The following B3GALNT2 variants were observed in gnomAD, a reference collection of about 807,000 sequenced individuals.
B3GALNT2 encodes the protein UDP-GalNAc:beta-1,3-N-acetylgalactosaminyltransferase 2.
In B3GALNT2, 53 loss-of-function variants were observed where a neutral mutation model predicts 61.1. The ratio of observed to expected loss-of-function variants is 0.87; its 90% CI spans 0.70 to 1.09. The LOEUF (loss-of-function observed/expected upper bound fraction) is 1.09. B3GALNT2 is among the 50% of genes least tolerant of loss of function. The pLI is 0.00. For synonymous variants in B3GALNT2, 223 were observed against 237.4 expected (o/e 0.94, Z 0.56); for missense variants, 544 against 623.0 (o/e 0.87, Z 1.35).
chr1:235,440,311 G>A, the B3GALNT2 span, among the ~76,000 whole-genome samples: 45 of 151,894 alleles, frequency 3.0e-4, no homozygotes, highest in African/African-American at 1.0e-3. Flanking sequence ...TCTTGCATAT[G>A]TCCACCAGGT....
intron 7 of B3GALNT2, among the ~76,000 whole-genome samples, chr1:235,460,994 T>G (rs1463332660): frequency 6.6e-6 from 1 of 152,210 alleles, no homozygotes; most frequent in Non-Finnish European, 1.5e-5. Context: ...TGTCCCCAGA[T>G]CCTACTGATT....
chr1:235,496,310 T>TAAAA, intron 1 of B3GALNT2: 1 of 800,262 alleles, frequency 1.2e-6, no homozygotes, highest in South Asian at 2.3e-5. Flanking sequence ...AGACTCCACC[T>TAAAA]GAAAAAAAAA....
At position 235,470,908 on chromosome 1, in the gene B3GALNT2, G is replaced by C; in HGVS notation, c.704C>G (p.Ser235Ter). The change falls in exon 6 of 12, where the codon TCA becomes TGA. Residue 235 changes from serine (S) to a stop codon, truncating the protein, a stop_gained. Transcript: ENST00000366600. LOFTEE classifies it high-confidence loss of function. ...WESQDLHGLV[S>*]RNLHKVTVND... ...CACTGTCACTTTGTGGAGATTTCTTGACACAAGGCCGTGGAGGTCTTGGCT... is the reference window on the plus strand; with the variant it reads ...CACTGTCACTTTGTGGAGATTTCTTCACACAAGGCCGTGGAGGTCTTGGCT... 1.9e-6 allele frequency: 3 copies of C among 1,613,980 alleles called. No homozygotes were observed. Among genetic ancestry groups the C allele is most frequent in the Non-Finnish European group, 2.5e-6 (3 of 1,179,970 alleles).
rs1341755915 is a variant in B3GALNT2 at position 235,493,516 on chromosome 1, G to A, written c.260+1165C>T. ...AACTAGGCCGGGCTTGGTGGCTCAC[G>A]CTTGTAATCCCAGCACTTTGGGAGG... On this transcript the variant is annotated intron_variant, in intron 2 of 11. Coordinates refer to ENST00000366600, the MANE Select transcript of B3GALNT2 (RefSeq NM_152490.5). 3.9e-5 allele frequency among the ~76,000 whole-genome samples: 6 copies of A among 152,120 alleles called. No homozygotes were observed. The South Asian group carries it at 8.3e-4, about 21-fold the overall frequency.
intron 5 of B3GALNT2, chr1:235,479,290 T>C (rs397905): frequency 0.45 from 68,392 of 152,042 alleles, 16,035 homozygotes; most frequent in Non-Finnish European, 0.5. Context: ...ATGAACTCTA[T>C]AGGTGATCTA....
intron 1 of B3GALNT2, among the ~76,000 whole-genome samples, chr1:235,498,321 T>A (rs1036978362): frequency 6.6e-6 from 1 of 151,864 alleles, no homozygotes; most frequent in South Asian, 2.1e-4. Context: ...AAAAAGAAAG[T>A]GGTAAGAAGT....
In B3GALNT2 at chr1:235,450,284, C is replaced by A; in HGVS notation, c.1425G>T (p.Gln475His). The A allele has an allele frequency of 1.2e-6, 2 of 1,613,988 alleles. No homozygotes were observed. Among genetic ancestry groups the A allele is most frequent in the Non-Finnish European group, 1.7e-6 (2 of 1,179,858 alleles). ...GTTCCGTCAGTTCCCACGGAGAATA[C>A]TGAGGAGAAGACAGCATTCCTGTCT... ...TCETGMLSSP[Q>H]YSPWELTELW... Residue 475 changes from glutamine (Q) to histidine (H), a missense_variant, in exon 12 of 12, where the codon CAG becomes CAT. By Grantham distance (24) the Gln-to-His change is conservative. Coordinates refer to ENST00000366600, the MANE Select transcript of B3GALNT2 (RefSeq NM_152490.5).
At chr1:235,488,692 CAAAAAAAAAAAAAAAAA>C (rs11436508) in intron 3 of B3GALNT2, among the ~76,000 whole-genome samples, 4 of 37,970 alleles carry the variant, frequency 1.1e-4, no homozygotes, top group East Asian at 2.5e-3. Flanking sequence ...ACTCCATCTC[CAAAAAAAAAAAAAAAAA>C]AAAAAAAAAA....
intron 7 of B3GALNT2, among the ~76,000 whole-genome samples, chr1:235,459,020 C>T (rs1202718879): frequency 6.6e-6 from 1 of 151,862 alleles, no homozygotes; most frequent in African/African-American, 2.4e-5. Flanking sequence ...ATGTGTACAC[C>T]TTATGGTTCA....
intron 2 of B3GALNT2, among the ~76,000 whole-genome samples, chr1:235,490,683 G>A (rs991848248): frequency 6.6e-6 from 1 of 151,766 alleles, no homozygotes; most frequent in Non-Finnish European, 1.5e-5. Flanking sequence ...TTTGTGAGAC[G>A]GTTATTAAAC....
intron 5 of B3GALNT2, among the ~76,000 whole-genome samples, 172 bp from the exon 6 acceptor site, chr1:235,471,132 G>GT (rs1010288189): frequency 1.3e-5 from 2 of 152,014 alleles, no homozygotes; most frequent in Non-Finnish European, 2.9e-5. Flanking sequence ...ATCCTTGACC[G>GT]TTTTTTCCAT....
intron 1 of B3GALNT2, among the ~76,000 whole-genome samples, chr1:235,501,140 G>A (rs977074168): frequency 3.3e-5 from 5 of 152,080 alleles, no homozygotes; most frequent in Non-Finnish European, 7.4e-5. Context: ...TAAATTAACC[G>A]TTAAATAATT....
At position 235,495,782 on chromosome 1, in the gene B3GALNT2, G is replaced by A. The variant is rs112140120; in HGVS notation, c.113-954C>T. 8.0e-4 allele frequency among the ~76,000 whole-genome samples: 122 copies of A among 152,018 alleles called. 1 individual carries two copies. Among genetic ancestry groups the A allele is most frequent in the Non-Finnish European group, 1.4e-3 (94 of 67,952 alleles). On this transcript the variant is annotated intron_variant, in intron 1 of 11. Transcript: ENST00000366600. ...CCAGTGGTGGGAACTGATCCAAAAC[G>A]TTTCCAAAAATAAATTATTGAAGCC...
chr1:235,440,640 C>T, the B3GALNT2 span, among the ~76,000 whole-genome samples: 2 of 152,036 alleles, frequency 1.3e-5, no homozygotes, highest in Admixed American at 6.6e-5. Flanking sequence ...GTGATTCGCC[C>T]GCCTCAGCCT....
At position 235,504,271 on chromosome 1, in the gene B3GALNT2, G is replaced by C; in HGVS notation, c.-19C>G. The C allele has an allele frequency of 4.0e-6, 6 of 1,486,072 alleles. No homozygotes were observed. The highest frequency in any genetic ancestry group is 4.4e-6 in the Non-Finnish European group (5 of 1,123,822). 92.1% of individuals were successfully genotyped at this position (1,486,072 alleles called of 1,614,324 possible). ...TTCGCATTGGCCGCCCCCGCCGCGA[G>C]CCGGGCTCTCCCGCGTCCCGGCGGA... On this transcript the variant is annotated 5_prime_UTR_variant, in exon 1 of 12. Transcript: ENST00000366600.
chr1:235,465,678 C>G lies in B3GALNT2; in HGVS notation c.799G>C (p.Gly267Arg), dbSNP rs757287363. ...AAACCACCTGCAACTCCCTCCACAC[C>G]TTCCAAGAATTCATGAGGCAATGCA... ...EGALPHEFLE[G>R]VEGVAGGFIY... The change falls in exon 7 of 12, where the codon GGT (glycine) becomes CGT (arginine). Residue 267 changes from glycine (G) to arginine (R), a missense_variant. Gly to Arg is a moderately radical substitution (Grantham distance 125). Transcript: ENST00000366600. 3 of 1,614,026 alleles carry G rather than the reference C, an allele frequency of 1.9e-6. No homozygotes were observed. The highest frequency in any genetic ancestry group is 2.5e-6 in the Non-Finnish European group (3 of 1,179,992).
downstream of B3GALNT2, among the ~76,000 whole-genome samples, chr1:235,442,491 C>T (rs1183226725): frequency 6.6e-6 from 1 of 152,180 alleles, no homozygotes; most frequent in Admixed American, 6.5e-5. Flanking sequence ...TTCTTTAAAA[C>T]ATGTTTAAAT....
Position 235,449,197 on chromosome 1 carries a change from A to C in B3GALNT2, c.*1009T>G. 4.0e-6 allele frequency: 1 copy of C among 246,942 alleles called. No individual in the cohort carries two copies. Among genetic ancestry groups the C allele is most frequent in the African/African-American group, 2.3e-5 (1 of 43,620 alleles). The allele number at this position is 246,942 out of a possible 1,614,324, so 15.3% of individuals were successfully genotyped here. A position where few individuals can be genotyped will look rare whatever the true frequency, so the allele number is the denominator to read the frequency against. ...TGGGAAATGTCCCTTAAACTTGGGG[A>C]GACATCCTCTACTATGTATAACAAT... On this transcript the variant is annotated 3_prime_UTR_variant, in exon 12 of 12. Coordinates refer to ENST00000366600, the MANE Select transcript of B3GALNT2 (RefSeq NM_152490.5).
Position 235,449,946 on chromosome 1 carries a change from T to A in B3GALNT2, c.*260A>T. 1 of 311,772 alleles carries A rather than the reference T, an allele frequency of 3.2e-6. No individual in the cohort carries two copies. The highest frequency in any genetic ancestry group is 5.9e-6 in the Non-Finnish European group (1 of 168,550). 19.3% of individuals were successfully genotyped at this position (311,772 alleles called of 1,614,324 possible). A position where few individuals can be genotyped will look rare whatever the true frequency, so the allele number is the denominator to read the frequency against. ...CATCAGGATTTAGAAATATTTTTTCTTTTATAAAATAACTTGGTATTTTTC... is the reference window on the plus strand; with the variant it reads ...CATCAGGATTTAGAAATATTTTTTCATTTATAAAATAACTTGGTATTTTTC... On this transcript the variant is annotated 3_prime_UTR_variant, in exon 12 of 12. Coordinates refer to ENST00000366600, the MANE Select transcript of B3GALNT2 (RefSeq NM_152490.5).
Sources: gnomAD v4.1 joint callset for allele counts (sites outside exome capture counted in the v4.1 genomes callset) on GRCh38, gnomAD v4.1.1 for gene constraint, MANE v1.5 for transcripts, NCBI Gene and HGNC (gene_info 2026-07-23, HGNC 2026-07-21) for gene names.